RASAL3: variants seen among roughly 807,000 people sequenced by gnomAD.
The protein encoded by RASAL3 is RAS protein activator like-3.
Under a neutral mutation model 105.5 loss-of-function variants are expected in RASAL3, and 74 were observed. The observed-to-expected ratio is 0.70, with a 90% confidence interval of 0.58 to 0.85. The LOEUF (loss-of-function observed/expected upper bound fraction) is 0.85. RASAL3 is among the 40% of genes least tolerant of loss of function. The probability of loss-of-function intolerance (pLI) is 0.00; values close to 1 mark genes in which losing one functional copy is unlikely to be tolerated. For missense variants in RASAL3, 1,352 were observed against 1,392.0 expected (o/e 0.97, Z 0.46); for synonymous variants, 579 against 591.6 (o/e 0.98, Z 0.31).
chr19:15,461,563 G>T lies in RASAL3; in HGVS notation c.373C>A (p.Pro125Thr), dbSNP rs955396267. The change falls in exon 3 of 18, where the codon CCT (proline) becomes ACT (threonine). Residue 125 changes from proline to threonine, a missense_variant. Transcript: ENST00000343625. The part of the protein sequence containing the change: ...PELEPPTPQI[P>T]EAPTPNVPVW... ...GGCACGTTGGGTGTGGGGGCCTCAG[G>T]GATCTGTGGGGTAGGGGGCTCCAGC... is the stretch of plus-strand genomic sequence containing the variant. The T allele has an allele frequency of 2.6e-6, 4 of 1,534,826 alleles. No homozygotes were observed. The highest frequency in any genetic ancestry group is 8.7e-7 in the Non-Finnish European group (1 of 1,146,212).
chr19:15,461,013 G>A, intron 5 of RASAL3, 47 bp downstream of exon 5: 1 of 1,581,108 alleles, frequency 6.3e-7, no homozygotes, highest in Non-Finnish European at 8.7e-7. Flanking sequence ...GAGGGTCCGA[G>A]AGTCTTGGCT....
Position 15,454,686 on chromosome 19 carries a change from C to T in RASAL3, c.1929G>A (p.Lys643=). The change falls in exon 12 of 18, where the codon AAG becomes AAA. Residue 643 remains lysine (K), a synonymous_variant. Transcript: ENST00000343625. ...CACGGTTGGCGAGGTTCTGGATGAC[C>T]TTGGCAATCAGTGTGAGGGTGCGGG... ...GPARTLTLIA[K]VIQNLANRAP... 1 of 1,609,850 alleles carries T rather than the reference C, an allele frequency of 6.2e-7. No individual in the cohort carries two copies. Among genetic ancestry groups the T allele is most frequent in the Non-Finnish European group, 8.5e-7 (1 of 1,177,256 alleles).
rs1399730363 is a variant in RASAL3 at position 15,451,782 on chromosome 19, C to A, written c.*13G>T. 6.3e-7 allele frequency: 1 copy of A among 1,581,814 alleles called. No individual in the cohort carries two copies. The highest frequency in any genetic ancestry group is 8.6e-7 in the Non-Finnish European group (1 of 1,157,518). ...TGCTCCCAGACCACGTGTGATGAGGCAGGATGGGCAGCTCAGGTGGTGTCT... is the reference window on the plus strand; with the variant it reads ...TGCTCCCAGACCACGTGTGATGAGGAAGGATGGGCAGCTCAGGTGGTGTCT... On this transcript the variant is annotated 3_prime_UTR_variant, in exon 18 of 18. Coordinates refer to ENST00000343625, the MANE Select transcript of RASAL3 (RefSeq NM_022904.3).
chr19:15,454,539 A>G lies in RASAL3; in HGVS notation c.1982T>C (p.Met661Thr), dbSNP rs1373022985. ...CTCCAGGAAGCTATTCATGAAGCCC[A>G]TGTAGGCCTCCTTCTCACCGAACCT... ...RAPFGEKEAY[M>T]GFMNSFLEEH... The change falls in exon 13 of 18, where the codon ATG (methionine) becomes ACG (threonine). Residue 661 changes from methionine (M) to threonine (T), a missense_variant. Met to Thr is a moderately conservative substitution (Grantham distance 81). Coordinates refer to ENST00000343625, the MANE Select transcript of RASAL3 (RefSeq NM_022904.3). 37 of 1,613,888 alleles carry G rather than the reference A, an allele frequency of 2.3e-5. No homozygotes were observed. The highest frequency in any genetic ancestry group is 3.1e-5 in the Non-Finnish European group (36 of 1,179,910).
At position 15,461,074 on chromosome 19, in the gene RASAL3, C is replaced by G; in HGVS notation, c.592G>C (p.Val198Leu). 1 of 1,613,928 alleles carries G rather than the reference C, an allele frequency of 6.2e-7. No individual in the cohort carries two copies. The highest frequency in any genetic ancestry group is 1.3e-5 in the African/African-American group (1 of 75,042). ...TEPETAGPNQ[V>L]HNVRGLLKRL... ...GGCTGCCTTACCCGAACGTTGTGGA[C>G]CTGGTTGGGACCAGCAGTCTCCGGT... The change falls in exon 5 of 18, where the codon GTC (valine) becomes CTC (leucine). Residue 198 changes from valine (V) to leucine (L), a missense_variant. Coordinates refer to ENST00000343625, the MANE Select transcript of RASAL3 (RefSeq NM_022904.3).
chr19:15,454,339 C>A lies in RASAL3; in HGVS notation c.2160+22G>T, dbSNP rs376756184. The A allele has an allele frequency of 5.1e-5, 81 of 1,595,368 alleles. 1 individual carries two copies. In the African/African-American group the frequency reaches 9.5e-4, roughly 19 times the overall value. ...GAGTCTCCCAAGCCTTCTTGCCTCC[C>A]TACTCTGGGTTCAGGCCATACCTGG... On this transcript the variant is annotated intron_variant, in intron 13 of 17. Coordinates refer to ENST00000343625, the MANE Select transcript of RASAL3 (RefSeq NM_022904.3).
rs746079470 is a variant in RASAL3, at chr19:15,454,799, C to T, written c.1816G>A (p.Ala606Thr). 11 of 1,596,822 alleles carry T rather than the reference C, an allele frequency of 6.9e-6. No individual in the cohort carries two copies. In the South Asian group the frequency reaches 9.0e-5, roughly 13 times the overall value. ...CACAGGAGCCGCAGGAAGAGGGAGG[C>T]GCACACCAGTCGGGGGCCCAGCACC... ...SEVLGPRLVC[A>T]SLFLRLLCPA... The change falls in exon 12 of 18, where the codon GCC (alanine) becomes ACC (threonine). Residue 606 changes from alanine to threonine, a missense_variant. By Grantham distance (58) the Ala-to-Thr change is moderately conservative (BLOSUM62 0). Around this residue, in one of 3 missense-constraint regions of RASAL3, gnomAD observed 920 missense variants for 919.6 expected, o/e 1.00. Coordinates refer to ENST00000343625, the MANE Select transcript of RASAL3 (RefSeq NM_022904.3).
intron 6 of RASAL3, among the ~76,000 whole-genome samples, chr19:15,458,985 C>A (rs138239138): frequency 6.6e-6 from 1 of 152,022 alleles, no homozygotes; most frequent in Non-Finnish European, 1.5e-5. Flanking sequence ...TTGTTTAGTG[C>A]GGTGGCTGGA....
At chr19:15,458,992 T>C (rs939930355) in intron 6 of RASAL3, among the ~76,000 whole-genome samples, 1 of 152,116 alleles carries the variant, frequency 6.6e-6, no homozygotes, top group African/African-American at 2.4e-5. Flanking sequence ...GTGCGGTGGC[T>C]GGATCTCAGC....
rs112837682 is a variant in RASAL3 at position 15,454,559 on chromosome 19, G to A, written c.1962C>T (p.Phe654=). Residue 654 remains phenylalanine (F), a synonymous_variant, in exon 13 of 18, where the codon TTC becomes TTT. Transcript: ENST00000343625. ...VIQNLANRAP[F]GEKEAYMGFM... ...AGCCCATGTAGGCCTCCTTCTCACC[G>A]AACCTGGATCAGGGCCAGGCTGGGT... 7.6e-4 allele frequency: 1,222 copies of A among 1,613,848 alleles called. 10 individuals are homozygous for A. The African/African-American group carries it at 0.013, about 18-fold the overall frequency.
chr19:15,457,246 C>T lies in RASAL3; in HGVS notation c.1431+46G>A, dbSNP rs1420226262. 8.1e-7 allele frequency: 1 copy of T among 1,232,846 alleles called. No homozygotes were observed. Among genetic ancestry groups the T allele is most frequent in the Non-Finnish European group, 1.0e-6 (1 of 983,552 alleles). 76.4% of individuals were successfully genotyped at this position (1,232,846 alleles called of 1,614,324 possible). On this transcript the variant is annotated intron_variant, in intron 9 of 17. Coordinates refer to ENST00000343625, the MANE Select transcript of RASAL3 (RefSeq NM_022904.3). The surrounding 1 kb of genome is among the most constrained non-coding windows in gnomAD (Gnocchi z 8.6). Reference sequence around the variant, plus strand: ...CCAACTCCTGCCCGAAGCGCGTTATCGGTCTACCCCTGGTAGCCCCGGTCC... The same window carrying T: ...CCAACTCCTGCCCGAAGCGCGTTATTGGTCTACCCCTGGTAGCCCCGGTCC...
chr19:15,458,507 G>T (rs749791466), intron 7 of RASAL3, 22 bp downstream of exon 7: 3 of 1,613,630 alleles, frequency 1.9e-6, no homozygotes, highest in Non-Finnish European at 2.5e-6. Flanking sequence ...AGGTGGAATC[G>T]AGGTGGACTG....
In RASAL3 at chr19:15,459,303, T is replaced by C. The variant is rs1418975744; in HGVS notation, c.663-648A>G. Among the ~76,000 whole-genome samples, 4 of 150,594 alleles carry C rather than the reference T, an allele frequency of 2.7e-5. No homozygotes were observed. In the East Asian group the frequency reaches 7.9e-4, roughly 30 times the overall value. ...CCCTTTTGCCCAGGCAGGAGTGCAG[T>C]GGCACAATCTTGGCTCACTGCAATG... On this transcript the variant is annotated intron_variant, in intron 6 of 17. Transcript: ENST00000343625.
chr19:15,455,270 T>C (rs1016590615), intron 11 of RASAL3, among the ~76,000 whole-genome samples: 1 of 152,140 alleles, frequency 6.6e-6, no homozygotes, highest in Non-Finnish European at 1.5e-5. Context: ...AAAGTAGGAT[T>C]GGGGCTCTGG....
chr19:15,453,025 C>T lies in RASAL3; in HGVS notation c.2670+82G>A. The T allele has an allele frequency of 1.9e-6, 3 of 1,579,588 alleles. No individual in the cohort carries two copies. The highest frequency in any genetic ancestry group is 2.6e-6 in the Non-Finnish European group (3 of 1,163,788). ...CAGCACAGCGAGCTGGGTACTTGAACCCAGACTTGCCTGGCCCTTCAGTCT... is the reference window on the plus strand; with the variant it reads ...CAGCACAGCGAGCTGGGTACTTGAATCCAGACTTGCCTGGCCCTTCAGTCT... On this transcript the variant is annotated intron_variant, in intron 15 of 17. Coordinates refer to ENST00000343625, the MANE Select transcript of RASAL3 (RefSeq NM_022904.3). The surrounding 1 kb of genome is among the most constrained non-coding windows in gnomAD (Gnocchi z 4.2).
chr19:15,457,755 G>GC lies in RASAL3; in HGVS notation c.967dup (p.Ala323GlyfsTer160). 3.9e-6 allele frequency: 6 copies of GC among 1,544,678 alleles called. No individual in the cohort carries two copies. Among genetic ancestry groups the GC allele is most frequent in the Non-Finnish European group, 5.2e-6 (6 of 1,145,236 alleles). ...CCACAGCTCGGCGCGCACGCCGGGT[G>GC]CCCCCGCCGCTGCTCGGGGAAGCCC... is the stretch of plus-strand genomic sequence containing the variant. On this transcript the variant is annotated frameshift_variant, in exon 9 of 18. Transcript: ENST00000343625. LOFTEE classifies it high-confidence loss of function. This position sits in a 1 kb window ranked among gnomAD's most constrained non-coding sequence, Gnocchi z 8.6.
At position 15,457,453 on chromosome 19, in the gene RASAL3, G is replaced by C; in HGVS notation, c.1270C>G (p.Leu424Val). 1 of 1,401,792 alleles carries C rather than the reference G, an allele frequency of 7.1e-7. No individual in the cohort carries two copies. Among genetic ancestry groups the C allele is most frequent in the Non-Finnish European group, 9.3e-7 (1 of 1,079,550 alleles). 86.8% of individuals were successfully genotyped at this position (1,401,792 alleles called of 1,614,324 possible). The part of the protein sequence containing the change: ...ALRARIRARR[L>V]RVLPSERYKE... ...TAGCGCTCGGACGGCAGCACGCGCA[G>C]GCGACGCGCCCGAATCCGCGCCCGC... The change falls in exon 9 of 18, where the codon CTG becomes GTG. Residue 424 changes from leucine (L) to valine (V), a missense_variant. Leu to Val is a conservative substitution (Grantham distance 32). Coordinates refer to ENST00000343625, the MANE Select transcript of RASAL3 (RefSeq NM_022904.3). The surrounding 1 kb of genome is among the most constrained non-coding windows in gnomAD (Gnocchi z 8.6).
intron 14 of RASAL3, 53 bp downstream of exon 14, chr19:15,454,096 C>G (rs1346593944): frequency 2.3e-6 from 3 of 1,332,364 alleles, no homozygotes; most frequent in Non-Finnish European, 3.1e-6. Flanking sequence ...CCTGTCTGAG[C>G]CCTGCTCCTT....
chr19:15,457,024 GC>G lies in RASAL3; in HGVS notation c.1431+267del. 2.4e-6 allele frequency: 1 copy of G among 421,704 alleles called. No homozygotes were observed. Among genetic ancestry groups the G allele is most frequent in the South Asian group, 4.1e-5 (1 of 24,256 alleles). 26.1% of individuals were successfully genotyped at this position (421,704 alleles called of 1,614,324 possible). A position where few individuals can be genotyped will look rare whatever the true frequency, so the allele number is the denominator to read the frequency against. The stretch of plus-strand genomic sequence containing the variant: ...CCCCGCCCCTTACAGGTGCAGCTCA[GC>G]CCCAGCCCCTCACAGCTGACGCTCA... On this transcript the variant is annotated intron_variant, in intron 9 of 17. Coordinates refer to ENST00000343625, the MANE Select transcript of RASAL3 (RefSeq NM_022904.3). The surrounding 1 kb of genome is among the most constrained non-coding windows in gnomAD (Gnocchi z 8.6).
Sources: allele counts gnomAD v4.1 joint callset (sites outside exome capture counted in the v4.1 genomes callset), GRCh38; gene constraint gnomAD v4.1.1; regional missense constraint gnomAD v4.1.1; non-coding constraint Gnocchi (gnomAD v3.1); transcripts MANE v1.5; gene names NCBI Gene and HGNC (gene_info 2026-07-23, HGNC 2026-07-21).